The following ZBTB40 variants were observed in gnomAD, a reference collection of about 807,000 sequenced individuals.
ZBTB40 encodes the protein zinc finger and BTB domain-containing protein 40.
ZBTB40 carries 60 observed loss-of-function variants against 117.5 expected under a neutral mutation model. The ratio of observed to expected loss-of-function variants is 0.51; its 90% CI spans 0.41 to 0.63. The LOEUF (loss-of-function observed/expected upper bound fraction) is 0.63, where lower values mean the gene tolerates loss of function less well. Ranked by LOEUF, ZBTB40 falls within the 30% of genes least tolerant of loss-of-function variation. ZBTB40 has a pLI of 0.00. For missense variants in ZBTB40, 1,287 were observed against 1,498.5 expected (o/e 0.86, Z 2.33); for synonymous variants, 525 against 577.1 (o/e 0.91, Z 1.29).
Position 22,430,535 on chromosome 1 carries a change from A to G in ZBTB40, c.-70+1521A>G, listed in dbSNP as rs560351738. ...GAGCCTGGGAGGCCAAGGCTGCAGC[A>G]ATCACGGCTCACTGCAGCCTCAACC... On this transcript the variant is annotated intron_variant, in intron 1 of 8. Transcript: ENST00000650433. Among the ~76,000 whole-genome samples, 161 of 152,282 alleles carry G rather than the reference A, an allele frequency of 1.1e-3. 3 individuals carry two copies. In the South Asian group the frequency reaches 0.018, roughly 17 times the overall value.
At chr1:22,447,742 C>T (rs1211327505), upstream of ZBTB40, among the ~76,000 whole-genome samples, 2 of 152,216 alleles carry the variant, frequency 1.3e-5, no homozygotes, top group East Asian at 3.8e-4. Context: ...CATTTGTCAT[C>T]TGGGATGGAT....
rs1569908037 is a variant in ZBTB40, at chr1:22,530,364, G to A, written c.*3968G>A. 1 of 152,282 alleles carries A rather than the reference G, an allele frequency of 6.6e-6. No homozygotes were observed. The highest frequency in any genetic ancestry group is 1.9e-4 in the East Asian group (1 of 5,288). 9.4% of individuals were successfully genotyped at this position (152,282 alleles called of 1,614,324 possible). ...TTGTTTTGTTGTCATGGAAACTTCG[G>A]GGCTGGTGGGACTTAGGCCAAAAGC... On this transcript the variant is annotated 3_prime_UTR_variant, in exon 18 of 18. Transcript: ENST00000375647.
At chr1:22,434,817 T>C (rs1640649058) in intron 1 of ZBTB40, among the ~76,000 whole-genome samples, 1 of 152,194 alleles carries the variant, frequency 6.6e-6, no homozygotes, top group Non-Finnish European at 1.5e-5. Flanking sequence ...TAAAATATAG[T>C]TTAATATCTG....
intron 1 of ZBTB40, among the ~76,000 whole-genome samples, chr1:22,461,694 GTCTGTAGTCTCTTCAGTGC>G (rs1364001504): frequency 1.3e-5 from 2 of 152,172 alleles, no homozygotes; most frequent in African/African-American, 4.8e-5. Flanking sequence ...GAAGTTGGGG[GTCTGTAGTCTCTTCAGTGC>G]TCTGGTACTT....
chr1:22,525,715 G>T (rs1043168784), intron 17 of ZBTB40, among the ~76,000 whole-genome samples: 2 of 152,252 alleles, frequency 1.3e-5, no homozygotes, highest in African/African-American at 4.8e-5. Flanking sequence ...TTCCTCCTAA[G>T]CTCGGTCACT....
At chr1:22,488,114 C>T (rs542521628) in intron 1 of ZBTB40, among the ~76,000 whole-genome samples, 1 of 152,280 alleles carries the variant, frequency 6.6e-6, no homozygotes, top group South Asian at 2.1e-4. Context: ...TACTCTAACT[C>T]CTGGACTCTC....
chr1:22,466,784 G>T (rs1641267529), intron 1 of ZBTB40, among the ~76,000 whole-genome samples: 1 of 150,498 alleles, frequency 6.6e-6, no homozygotes, highest in South Asian at 2.1e-4. Context: ...CTAGATTCTG[G>T]TACACTATAT....
At chr1:22,444,619 A>T (rs1475738851) in intron 1 of ZBTB40, among the ~76,000 whole-genome samples, 1 of 152,186 alleles carries the variant, frequency 6.6e-6, no homozygotes, top group African/African-American at 2.4e-5. Context: ...CTTGACTGGT[A>T]AGGGAAGAAT....
At chr1:22,524,068 G>A in intron 16 of ZBTB40, 150 bp from the exon 17 acceptor site, 1 of 765,168 alleles carries the variant, frequency 1.3e-6, no homozygotes, top group South Asian at 1.5e-5. Context: ...CCCCCAGATT[G>A]AATAACGTTC....
intron 1 of ZBTB40, among the ~76,000 whole-genome samples, chr1:22,482,658 C>T (rs1235383272): frequency 6.6e-6 from 1 of 150,430 alleles, no homozygotes; most frequent in Non-Finnish European, 1.5e-5. Flanking sequence ...CCTCCCTCTC[C>T]TCTAACCCCT....
intron 12 of ZBTB40, among the ~76,000 whole-genome samples, chr1:22,514,631 C>G (rs1398134018): frequency 1.3e-5 from 2 of 152,170 alleles, no homozygotes; most frequent in African/African-American, 4.8e-5. Context: ...TCTGTGAGTC[C>G]CTTCCTGGGC....
At chr1:22,475,280 T>C (rs1641527203) in intron 1 of ZBTB40, among the ~76,000 whole-genome samples, 1 of 152,196 alleles carries the variant, frequency 6.6e-6, no homozygotes, top group Non-Finnish European at 1.5e-5. Flanking sequence ...ATGCTGTTCC[T>C]AGTTCAGTGT....
At chr1:22,501,436 A>T in intron 3 of ZBTB40, 56 bp from the exon 4 acceptor site, 1 of 1,596,570 alleles carries the variant, frequency 6.3e-7, no homozygotes, top group Middle Eastern at 1.7e-4. Context: ...AAATGCAAGG[A>T]GCGGATGGTT....
rs1639519942 is a variant in ZBTB40, at chr1:22,521,378, T to C, written c.3049-118T>C. On this transcript the variant is annotated intron_variant, in intron 14 of 17. Coordinates refer to ENST00000375647, the MANE Select transcript of ZBTB40 (RefSeq NM_014870.4). ...GCACCCGGTGTGATAGGTAAGAGTG[T>C]GTGATACTAGAAACGTCAGCTTATC... is the stretch of plus-strand genomic sequence containing the variant. 6 of 1,277,872 alleles carry C rather than the reference T, an allele frequency of 4.7e-6. No individual in the cohort carries two copies. In the South Asian group the frequency reaches 7.6e-5, roughly 16 times the overall value. The allele number at this position is 1,277,872 out of a possible 1,614,324, so 79.2% of individuals were successfully genotyped here.
At chr1:22,489,740 C>T (rs10799756) in intron 1 of ZBTB40, 140 bp from the exon 2 acceptor site, 193,568 of 627,410 alleles carry the variant, frequency 0.31, 35,147 homozygotes, top group Admixed American at 0.57. Flanking sequence ...TTTAGTATAC[C>T]TGGCATACTG....
At chr1:22,489,654 T>G (rs898575349) in intron 1 of ZBTB40, among the ~76,000 whole-genome samples, 2 of 152,194 alleles carry the variant, frequency 1.3e-5, no homozygotes, top group Admixed American at 6.5e-5. Context: ...GAGAATCAAA[T>G]GAGACCGTCC....
At chr1:22,445,918 C>T (rs1640784120) in intron 1 of ZBTB40, among the ~76,000 whole-genome samples, 1 of 149,960 alleles carries the variant, frequency 6.7e-6, no homozygotes, top group Non-Finnish European at 1.5e-5. Context: ...TTTAAAGAGA[C>T]AAAGCAAGCA....
At chr1:22,430,628 C>G (rs569544559) in intron 1 of ZBTB40, among the ~76,000 whole-genome samples, 61 of 146,872 alleles carry the variant, frequency 4.2e-4, no homozygotes, top group Non-Finnish European at 7.4e-4. Context: ...CATGCCACCA[C>G]ACCCGACTAA....
At position 22,526,228 on chromosome 1, in the gene ZBTB40, C is replaced by A. The variant is rs1639672442; in HGVS notation, c.3552C>A (p.Ala1184=). The change falls in exon 18 of 18, where the codon GCC becomes GCA. Residue 1184 remains alanine, a synonymous_variant. Coordinates refer to ENST00000375647, the MANE Select transcript of ZBTB40 (RefSeq NM_014870.4). ...AQVIQTPEPV[A]PTEQVITLEE... ...TGATCCAAACCCCAGAGCCGGTGGC[C>A]CCGACAGAGCAGGTGATCACTTTGG... The A allele has an allele frequency of 6.2e-7, 1 of 1,614,164 alleles. No individual in the cohort carries two copies. The highest frequency in any genetic ancestry group is 1.1e-5 in the South Asian group (1 of 91,080).
Sources: allele counts gnomAD v4.1 joint callset (sites outside exome capture counted in the v4.1 genomes callset), GRCh38; gene constraint gnomAD v4.1.1; transcripts MANE v1.5; gene names NCBI Gene and HGNC (gene_info 2026-07-23, HGNC 2026-07-21).